The following PRIM2 variants were observed in gnomAD, a reference collection of about 807,000 sequenced individuals.
PRIM2 encodes the protein DNA primase subunit 2.
A neutral mutation model predicts 67.3 loss-of-function variants in PRIM2; 39 were observed. The observed-to-expected ratio is 0.58, with a 90% CI of 0.45 to 0.76. The LOEUF (loss-of-function observed/expected upper bound fraction) is 0.76. Among genes scored for constraint, PRIM2 ranks in the 30% least tolerant of loss-of-function variants. The pLI is 0.00. For missense variants in PRIM2, 398 were observed against 598.7 expected (o/e 0.66, Z 3.50); for synonymous variants, 143 against 198.7 (o/e 0.72, Z 2.36).
intron 5 of PRIM2, among the ~76,000 whole-genome samples, chr6:57,353,695 CTT>C (rs1768931365): frequency 1.3e-5 from 2 of 152,074 alleles, no homozygotes; most frequent in South Asian, 2.1e-4. Flanking sequence ...TTCACTGCCT[CTT>C]TTTTATTTTT....
chr6:57,341,807 A>T (rs562670830), intron 5 of PRIM2, among the ~76,000 whole-genome samples: 1 of 152,328 alleles, frequency 6.6e-6, no homozygotes, highest in Admixed American at 6.5e-5. Flanking sequence ...GTGCTGCTGC[A>T]TAAGTTGAGG....
chr6:57,335,268 A>G (rs371399572), intron 5 of PRIM2, among the ~76,000 whole-genome samples: 2 of 151,908 alleles, frequency 1.3e-5, no homozygotes, highest in African/African-American at 2.4e-5. Flanking sequence ...ACTGCAAGGC[A>G]GCAGCGAGGC....
At chr6:57,474,885 C>T (rs1773437849) in intron 7 of PRIM2, among the ~76,000 whole-genome samples, 1 of 152,204 alleles carries the variant, frequency 6.6e-6, no homozygotes, top group South Asian at 2.1e-4. Flanking sequence ...TCAATGCTGA[C>T]ACTGGCATAG....
chr6:57,385,936 CTTTT>C (rs201876520), intron 7 of PRIM2, among the ~76,000 whole-genome samples: 2 of 141,174 alleles, frequency 1.4e-5, no homozygotes, highest in African/African-American at 2.6e-5. Flanking sequence ...CTTTTGTTTT[CTTTT>C]TTTTTTTTTG....
the PRIM2 span, among the ~76,000 whole-genome samples, chr6:57,244,487 G>A: frequency 1.1e-4 from 17 of 152,282 alleles, no homozygotes; most frequent in East Asian, 1.2e-3. Context: ...TTGGCTGGGC[G>A]CGGTGGCTTA....
the PRIM2 span, among the ~76,000 whole-genome samples, chr6:57,256,770 T>C: frequency 2.6e-5 from 4 of 151,448 alleles, no homozygotes; most frequent in African/African-American, 9.7e-5. Flanking sequence ...TAGTCCAAAG[T>C]AAAAATATCC....
chr6:57,621,419 A>G (rs1287747633), intron 12 of PRIM2, among the ~76,000 whole-genome samples: 4 of 152,118 alleles, frequency 2.6e-5, no homozygotes, highest in Admixed American at 1.3e-4. Flanking sequence ...TTTGGAGGGG[A>G]CACATTCAGA....
chr6:57,614,617 G>A (rs1315097454), intron 12 of PRIM2, among the ~76,000 whole-genome samples: 5 of 152,062 alleles, frequency 3.3e-5, no homozygotes, highest in African/African-American at 1.2e-4. Context: ...TTGGGAGGCC[G>A]AAGCGGGCAG....
At chr6:57,227,782 T>A in the PRIM2 span, among the ~76,000 whole-genome samples, 1 of 152,190 alleles carries the variant, frequency 6.6e-6, no homozygotes, top group Non-Finnish European at 1.5e-5. Flanking sequence ...GTAGTTTTGA[T>A]ACAAGAATCC....
In PRIM2 at chr6:57,445,759, C is replaced by T. The variant is rs201117438; in HGVS notation, c.694-61628C>T. Among the ~76,000 whole-genome samples the T allele has an allele frequency of 2.0e-3, 299 of 152,302 alleles. 1 individual carries two copies. In the East Asian group the frequency reaches 0.05, roughly 25 times the overall value. ...AATTTCTTTTATTTTTCAGATTCCT[C>T]TCTTTATAGTAGCCTGAGAATCTCT... On this transcript the variant is annotated intron_variant, in intron 7 of 13. Transcript: ENST00000615550.
Position 57,455,947 on chromosome 6 carries a change from C to T in PRIM2, c.694-51440C>T, listed in dbSNP as rs1400260811. Among the ~76,000 whole-genome samples the T allele has an allele frequency of 2.5e-3, 376 of 151,810 alleles. 6 individuals carry two copies. Among genetic ancestry groups the T allele is most frequent in the East Asian group, 0.016 (84 of 5,148 alleles). On this transcript the variant is annotated intron_variant, in intron 7 of 13. Transcript: ENST00000615550. ...ACTGGTTGTTCCTTTCCATGTTTAG[C>T]GCTTCCTTCAGGAGCTCTTTTAGGG...
chr6:57,310,828 G>T (rs1222529970), upstream of PRIM2, among the ~76,000 whole-genome samples: 1 of 150,376 alleles, frequency 6.6e-6, no homozygotes, highest in Non-Finnish European at 1.5e-5. Context: ...CAGGGCAGCC[G>T]GGCAGAGACT....
chr6:57,626,524 A>T (rs1391607545), intron 12 of PRIM2, among the ~76,000 whole-genome samples: 3 of 152,196 alleles, frequency 2.0e-5, no homozygotes, highest in African/African-American at 7.2e-5. Context: ...AGAAAAAAAA[A>T]ATCAGTAATT....
chr6:57,381,393 C>T (rs1769955903), intron 6 of PRIM2, among the ~76,000 whole-genome samples: 1 of 152,086 alleles, frequency 6.6e-6, no homozygotes. Flanking sequence ...ATGATTTTTA[C>T]AGTTTACTAA....
intron 7 of PRIM2, among the ~76,000 whole-genome samples, chr6:57,432,518 A>T (rs1226822009): frequency 3.4e-5 from 5 of 146,110 alleles, no homozygotes; most frequent in African/African-American, 1.0e-4. Flanking sequence ...ATTATAGCCA[A>T]TTAGCAAGTG....
the PRIM2 span, among the ~76,000 whole-genome samples, chr6:57,302,170 G>A: frequency 6.6e-6 from 1 of 152,084 alleles, no homozygotes; most frequent in Non-Finnish European, 1.5e-5. Flanking sequence ...AAATATTTTA[G>A]GAAAAGAAAC....
the PRIM2 span, among the ~76,000 whole-genome samples, chr6:57,287,676 T>C: frequency 6.6e-6 from 1 of 151,912 alleles, no homozygotes; most frequent in Non-Finnish European, 1.5e-5. Context: ...TTAAAACTTA[T>C]GTGACGGGTT....
Position 57,325,949 on chromosome 6 carries a change from T to C in PRIM2, c.363T>C (p.Ile121=). 3.7e-6 allele frequency: 6 copies of C among 1,607,532 alleles called. No homozygotes were observed. Among genetic ancestry groups the C allele is most frequent in the Non-Finnish European group, 5.1e-6 (6 of 1,177,486 alleles). ...CQSEELRRWF[I]QQEMDLLRFR... The stretch of plus-strand genomic sequence containing the variant: ...GTGAAGAACTTAGACGCTGGTTCAT[T>C]CAACAAGAAATGGATCTCCTTCGAT... Residue 121 remains isoleucine (I), a synonymous_variant, in exon 5 of 14, where the codon ATT becomes ATC. Coordinates refer to ENST00000615550, the MANE Select transcript of PRIM2 (RefSeq NM_000947.5).
the PRIM2 span, among the ~76,000 whole-genome samples, chr6:57,246,857 C>CT: frequency 0.019 from 2,611 of 140,306 alleles, 70 homozygotes; most frequent in African/African-American, 0.06. Context: ...GACTTAATTT[C>CT]TTTTTTTTTT....
Sources: allele counts gnomAD v4.1 joint callset (sites outside exome capture counted in the v4.1 genomes callset), GRCh38; gene constraint gnomAD v4.1.1; transcripts MANE v1.5; gene names NCBI Gene and HGNC (gene_info 2026-07-23, HGNC 2026-07-21).